The following CNTLN variants were observed in gnomAD, a reference collection of about 807,000 sequenced individuals.
CNTLN encodes centlein.
In CNTLN, 212 loss-of-function variants were observed where a neutral mutation model predicts 180.0. That is an observed-to-expected ratio of 1.18 (90% CI 1.05 to 1.32). CNTLN has a LOEUF of 1.32. CNTLN is among the 40% of genes most tolerant of loss of function. CNTLN has a pLI of 0.00. For missense variants in CNTLN, 2,095 were observed against 1,610.9 expected, an observed-to-expected ratio of 1.30 and a Z score of -5.14; for synonymous variants, 722 against 563.1, an observed-to-expected ratio of 1.28 and a Z score of -3.99.
chr9:17,462,912 C>G lies in CNTLN; in HGVS notation c.3307-4C>G. The G allele has an allele frequency of 6.8e-7, 1 of 1,480,458 alleles. No individual in the cohort carries two copies. Among genetic ancestry groups the G allele is most frequent in the Non-Finnish European group, 9.1e-7 (1 of 1,104,882 alleles). 91.7% of individuals were successfully genotyped at this position (1,480,458 alleles called of 1,614,324 possible). On this transcript the variant is annotated splice_region_variant and splice_polypyrimidine_tract_variant and intron_variant, in intron 19 of 25. Transcript: ENST00000380647. ...ATTTAAATTTATTTCTATTTTTAAT[C>G]TAGAATGCTACTAATGAACTCACTA...
intron 2 of CNTLN, among the ~76,000 whole-genome samples, chr9:17,225,477 G>T (rs990811563): frequency 1.7e-4 from 26 of 151,848 alleles, no homozygotes; most frequent in African/African-American, 6.0e-4. Flanking sequence ...TATTTTATTT[G>T]TGACCTTTTA....
intron 25 of CNTLN, among the ~76,000 whole-genome samples, chr9:17,492,175 A>G (rs576651880): frequency 1.3e-4 from 20 of 152,160 alleles, no homozygotes; most frequent in African/African-American, 4.8e-4. Context: ...CTTTCGTATC[A>G]CTAGAATGTG....
chr9:17,527,495 A>G, the CNTLN span, among the ~76,000 whole-genome samples: 1 of 152,186 alleles, frequency 6.6e-6, no homozygotes, highest in Non-Finnish European at 1.5e-5. Context: ...TCTGCGATGC[A>G]TGTATACTGG....
rs895353080 is a variant in CNTLN at position 17,300,877 on chromosome 9, C to T, written c.1146+2525C>T. On this transcript the variant is annotated intron_variant, in intron 7 of 25. Transcript: ENST00000380647. ...AACCTTTCAAGGTAATACTTTCTTCCAGTGCCTGAAAGCTTTCCTGCCCAG... is the reference window on the plus strand; with the variant it reads ...AACCTTTCAAGGTAATACTTTCTTCTAGTGCCTGAAAGCTTTCCTGCCCAG... The T allele has an allele frequency of 1.8e-4, 103 of 581,064 alleles. No homozygotes were observed. The African/African-American group carries it at 2.0e-3, about 12-fold the overall frequency. The allele number at this position is 581,064 out of a possible 1,614,324, so 36.0% of individuals were successfully genotyped here. A position where few individuals can be genotyped will look rare whatever the true frequency, so the allele number is the denominator to read the frequency against.
intron 1 of CNTLN, among the ~76,000 whole-genome samples, chr9:17,141,051 G>C (rs1347980446): frequency 6.6e-6 from 1 of 152,148 alleles, no homozygotes; most frequent in Non-Finnish European, 1.5e-5. Context: ...TTCTAACAAT[G>C]GGTAGACACA....
At chr9:17,492,311 T>C (rs931871331) in intron 25 of CNTLN, among the ~76,000 whole-genome samples, 30 of 152,198 alleles carry the variant, frequency 2.0e-4, no homozygotes, top group Admixed American at 1.2e-3. Flanking sequence ...CTTCGTGTAG[T>C]TTTACCTCCT....
intron 10 of CNTLN, among the ~76,000 whole-genome samples, chr9:17,335,954 C>T (rs1048868740): frequency 4.7e-5 from 7 of 150,110 alleles, no homozygotes; most frequent in African/African-American, 1.5e-4. Flanking sequence ...AAAGTTAGAG[C>T]TTCTAGTTTA....
rs879265405 is a variant in CNTLN at position 17,433,290 on chromosome 9, C to CT, written c.3114+17113dup. 7.9e-4 allele frequency among the ~76,000 whole-genome samples: 114 copies of CT among 144,298 alleles called. 1 individual carries two copies. Among genetic ancestry groups the CT allele is most frequent in the Admixed American group, 1.5e-3 (21 of 14,448 alleles). The allele number at this position is 144,298 out of a possible 152,430, so 94.7% of individuals were successfully genotyped here. On this transcript the variant is annotated intron_variant, in intron 18 of 25. Transcript: ENST00000380647. ...AAAGTTTTCTTCTATTTTTAGCTTT[C>CT]TTTTTTTTTTTTGAAATGGAGTCTC...
At chr9:17,307,179 A>G (rs920921617) in intron 7 of CNTLN, among the ~76,000 whole-genome samples, 2 of 152,232 alleles carry the variant, frequency 1.3e-5, no homozygotes, top group Non-Finnish European at 2.9e-5. Flanking sequence ...TATAAATCAT[A>G]TAGGCAATAC....
intron 10 of CNTLN, among the ~76,000 whole-genome samples, chr9:17,338,279 C>T (rs1253631863): frequency 6.6e-6 from 1 of 150,756 alleles, no homozygotes; most frequent in East Asian, 1.9e-4. Context: ...ATTCTCCTTC[C>T]TCAGCCTCCT....
At chr9:17,511,898 G>A in the CNTLN span, among the ~76,000 whole-genome samples, 2 of 152,092 alleles carry the variant, frequency 1.3e-5, no homozygotes, top group African/African-American at 2.4e-5. Flanking sequence ...AAGGTTTAGG[G>A]GAGGAAGACA....
chr9:17,252,089 A>G (rs1173053996), intron 5 of CNTLN, among the ~76,000 whole-genome samples: 1 of 151,838 alleles, frequency 6.6e-6, no homozygotes, highest in African/African-American at 2.4e-5. Flanking sequence ...TCTAAGTAGT[A>G]TTCCATTATT....
At chr9:17,479,189 T>C (rs1040219767) in intron 23 of CNTLN, among the ~76,000 whole-genome samples, 2 of 152,214 alleles carry the variant, frequency 1.3e-5, no homozygotes, top group Admixed American at 6.5e-5. Flanking sequence ...ATCCCACTTC[T>C]GGGTATTTAT....
intron 5 of CNTLN, among the ~76,000 whole-genome samples, chr9:17,255,110 A>G (rs1392282876): frequency 6.6e-6 from 1 of 151,768 alleles, no homozygotes; most frequent in Non-Finnish European, 1.5e-5. Flanking sequence ...AAGGTTTTCT[A>G]CATATACATG....
chr9:17,405,179 T>G (rs766866580), intron 15 of CNTLN, among the ~76,000 whole-genome samples: 2 of 151,700 alleles, frequency 1.3e-5, no homozygotes, highest in Non-Finnish European at 2.9e-5. Context: ...ACCATACTCT[T>G]TATTTTCTTC....
At position 17,219,981 on chromosome 9, in the gene CNTLN, T is replaced by C. The variant is rs900242199; in HGVS notation, c.450-6222T>C. Among the ~76,000 whole-genome samples, 4 of 152,128 alleles carry C rather than the reference T, an allele frequency of 2.6e-5. No homozygotes were observed. The South Asian group carries it at 8.3e-4, about 32-fold the overall frequency. ...CCTAATTGCCTTTCATAGGCCTACCTCCAAATACTATGACATTGGTTATTA... is the reference window on the plus strand; with the variant it reads ...CCTAATTGCCTTTCATAGGCCTACCCCCAAATACTATGACATTGGTTATTA... On this transcript the variant is annotated intron_variant, in intron 2 of 25. Coordinates refer to ENST00000380647, the MANE Select transcript of CNTLN (RefSeq NM_017738.4).
chr9:17,460,931 T>TTGTTTTTAGGCAGGAATAATGACACAGAA (rs1267584791), intron 19 of CNTLN, among the ~76,000 whole-genome samples: 5 of 151,570 alleles, frequency 3.3e-5, no homozygotes, highest in African/African-American at 4.8e-5. Context: ...GGTAGGATGA[T>TTGTTTTTAGGCAGGAATAATGACACAGAA]TGTTTTTAGG....
intron 6 of CNTLN, among the ~76,000 whole-genome samples, chr9:17,294,793 G>A (rs1427819426): frequency 3.7e-5 from 1 of 27,264 alleles, no homozygotes; most frequent in Non-Finnish European, 7.1e-5. Context: ...GGAGGGAGGG[G>A]GGGAGGGTGG....
chr9:17,274,239 A>G (rs866363512), intron 6 of CNTLN, among the ~76,000 whole-genome samples: 3 of 151,972 alleles, frequency 2.0e-5, no homozygotes, highest in African/African-American at 7.3e-5. Flanking sequence ...TATATTCTAT[A>G]TAGTTTGTTT....
Sources: gnomAD v4.1 joint callset for allele counts (sites outside exome capture counted in the v4.1 genomes callset) on GRCh38, gnomAD v4.1.1 for gene constraint, MANE v1.5 for transcripts, NCBI Gene and HGNC (gene_info 2026-07-23, HGNC 2026-07-21) for gene names.